Variants in ST7 observed in about 807,000 individuals in gnomAD.
ST7 encodes suppressor of tumorigenicity 7 protein.
A neutral mutation model predicts 78.7 loss-of-function variants in ST7; 28 were observed. The ratio of observed to expected loss-of-function variants is 0.36; its 90% confidence interval spans 0.26 to 0.49. The LOEUF (loss-of-function observed/expected upper bound fraction) is 0.49, where lower values mean the gene tolerates loss of function less well. Among genes scored for constraint, ST7 ranks in the 20% least tolerant of loss-of-function variants. ST7 has a pLI of 0.99. For missense variants in ST7, 418 were observed against 696.0 expected, an observed-to-expected ratio of 0.60 and a Z score of 4.49; for synonymous variants, 247 against 249.6, an observed-to-expected ratio of 0.99 and a Z score of 0.10.
At chr7:116,956,069 T>C (rs1792461211) in intron 1 of ST7, among the ~76,000 whole-genome samples, 1 of 152,186 alleles carries the variant, frequency 6.6e-6, no homozygotes, top group African/African-American at 2.4e-5. Flanking sequence ...GACTTTGGCA[T>C]TAATTTTGAG....
chr7:117,036,373 A>C (rs559445268), intron 1 of ST7, among the ~76,000 whole-genome samples: 1 of 152,340 alleles, frequency 6.6e-6, no homozygotes, highest in South Asian at 2.1e-4. Flanking sequence ...TCAAAAACAT[A>C]ATGTCTGGAA....
At chr7:117,166,323 C>T (rs1190036672) in intron 9 of ST7, among the ~76,000 whole-genome samples, 1 of 152,018 alleles carries the variant, frequency 6.6e-6, no homozygotes, top group Non-Finnish European at 1.5e-5. Context: ...GCCAGCATTT[C>T]CCAGGCTATG....
At chr7:117,014,386 T>C (rs548370366) in intron 1 of ST7, among the ~76,000 whole-genome samples, 1 of 152,224 alleles carries the variant, frequency 6.6e-6, no homozygotes, top group Non-Finnish European at 1.5e-5. Flanking sequence ...ATATGTCCTT[T>C]CCAGCTGATG....
At chr7:117,089,675 G>A (rs1421590192) in intron 1 of ST7, among the ~76,000 whole-genome samples, 5 of 151,352 alleles carry the variant, frequency 3.3e-5, no homozygotes, top group African/African-American at 7.3e-5. Context: ...GGGTTCAAGC[G>A]ATTCTCCTGC....
At chr7:117,042,250 A>G (rs1797269468) in intron 1 of ST7, among the ~76,000 whole-genome samples, 1 of 152,214 alleles carries the variant, frequency 6.6e-6, no homozygotes. Context: ...AGTCTTTTGT[A>G]TGACCATACT....
chr7:117,182,294 G>C (rs1264742630), intron 10 of ST7, among the ~76,000 whole-genome samples: 2 of 152,140 alleles, frequency 1.3e-5, no homozygotes, highest in Non-Finnish European at 2.9e-5. Flanking sequence ...TAACACCAGT[G>C]CCTGGAAGTT....
At chr7:117,035,603 G>GT (rs544298330) in intron 1 of ST7, among the ~76,000 whole-genome samples, 8 of 151,850 alleles carry the variant, frequency 5.3e-5, no homozygotes, top group African/African-American at 2.4e-5. Flanking sequence ...TTTGATTAAA[G>GT]TTTTTTTTAA....
intron 14 of ST7, among the ~76,000 whole-genome samples, chr7:117,221,670 C>T (rs780368773): frequency 2.0e-4 from 30 of 152,162 alleles, no homozygotes; most frequent in Non-Finnish European, 1.0e-4. Flanking sequence ...CCCATGAAGG[C>T]GTGACACCCT....
chr7:117,094,221 C>A (rs879376952), intron 1 of ST7, among the ~76,000 whole-genome samples: 15 of 152,172 alleles, frequency 9.9e-5, no homozygotes, highest in Non-Finnish European at 1.0e-4. Context: ...CCCACCAGTG[C>A]CTTAACTGCG....
At chr7:117,138,963 G>A (rs1018124547) in intron 9 of ST7, among the ~76,000 whole-genome samples, 6 of 152,046 alleles carry the variant, frequency 3.9e-5, no homozygotes, top group African/African-American at 7.2e-5. Flanking sequence ...AGGAAGATTC[G>A]AATTAATTAT....
At chr7:117,181,250 G>A (rs1429970123) in intron 10 of ST7, among the ~76,000 whole-genome samples, 1 of 152,130 alleles carries the variant, frequency 6.6e-6, no homozygotes. Context: ...TTTCAGGGTG[G>A]CTAAACACCA....
At chr7:117,097,402 G>A (rs1160385851) in intron 1 of ST7, among the ~76,000 whole-genome samples, 2 of 149,822 alleles carry the variant, frequency 1.3e-5, no homozygotes, top group Middle Eastern at 3.2e-3. Flanking sequence ...CTTGACTCAC[G>A]GCAACTTCCG....
intron 10 of ST7, among the ~76,000 whole-genome samples, chr7:117,183,479 G>A (rs1808958166): frequency 1.3e-5 from 2 of 151,544 alleles, no homozygotes; most frequent in Admixed American, 6.6e-5. Flanking sequence ...ATAGTTACAG[G>A]TACAACTCTT....
At chr7:116,998,481 G>A (rs920099152) in intron 1 of ST7, among the ~76,000 whole-genome samples, 6 of 152,230 alleles carry the variant, frequency 3.9e-5, no homozygotes, top group South Asian at 2.1e-4. Flanking sequence ...CCTCAAGCGC[G>A]GCCAGAGTGG....
At chr7:117,093,749 A>C (rs1800818030) in intron 1 of ST7, among the ~76,000 whole-genome samples, 2 of 152,226 alleles carry the variant, frequency 1.3e-5, no homozygotes, top group South Asian at 4.1e-4. Flanking sequence ...AACAGCCGTC[A>C]TAATACATAT....
chr7:116,988,314 C>T (rs1794273062), intron 1 of ST7, among the ~76,000 whole-genome samples: 1 of 152,082 alleles, frequency 6.6e-6, no homozygotes, highest in Non-Finnish European at 1.5e-5. Context: ...TTTGAGTTTA[C>T]CCACTTTTAT....
intron 1 of ST7, chr7:116,958,533 T>C: frequency 2.2e-6 from 1 of 455,308 alleles, no homozygotes; most frequent in South Asian, 1.6e-5. Context: ...TTGCCCCTGT[T>C]GTGCCTGTTG....
chr7:117,175,492 T>G (rs952351993), intron 10 of ST7, among the ~76,000 whole-genome samples: 1 of 152,124 alleles, frequency 6.6e-6, no homozygotes, highest in East Asian at 1.9e-4. Context: ...TTTGGGAGCA[T>G]CTAGTTCTGC....
chr7:117,216,292 CAG>C (rs1792688006), intron 13 of ST7, among the ~76,000 whole-genome samples: 1 of 152,192 alleles, frequency 6.6e-6, no homozygotes, highest in Admixed American at 6.5e-5. Context: ...GGATGGCACA[CAG>C]AGGAAAGTGC....
Sources: allele counts gnomAD v4.1 joint callset (sites outside exome capture counted in the v4.1 genomes callset), GRCh38; gene constraint gnomAD v4.1.1; transcripts MANE v1.5; gene names NCBI Gene and HGNC (gene_info 2026-07-23, HGNC 2026-07-21).